ARHGAP24: variants seen among roughly 807,000 people sequenced by gnomAD.
ARHGAP24 encodes rho GTPase-activating protein 24.
A neutral mutation model predicts 76.4 loss-of-function variants in ARHGAP24; 50 were observed. The ratio of observed to expected loss-of-function variants is 0.65; its 90% CI spans 0.52 to 0.83. The LOEUF (loss-of-function observed/expected upper bound fraction) is 0.83. ARHGAP24 is among the 40% of genes least tolerant of loss of function. The pLI is 0.00. For synonymous variants in ARHGAP24, 345 were observed against 323.3 expected, an observed-to-expected ratio of 1.07 and a Z score of -0.72; for missense variants, 930 against 914.2, an observed-to-expected ratio of 1.02 and a Z score of -0.22.
chr4:85,627,755 C>G (rs976971025), intron 2 of ARHGAP24, among the ~76,000 whole-genome samples: 1 of 152,206 alleles, frequency 6.6e-6, no homozygotes, highest in African/African-American at 2.4e-5. Context: ...TTTACCTAAT[C>G]AAACAACTAA....
chr4:85,764,591 A>G (rs1726858301), intron 3 of ARHGAP24, among the ~76,000 whole-genome samples: 1 of 152,096 alleles, frequency 6.6e-6, no homozygotes, highest in South Asian at 2.1e-4. Context: ...TTACAGAAAC[A>G]GGAGGTCCAT....
chr4:85,780,173 T>TTTTTATC (rs1727480222), intron 3 of ARHGAP24, among the ~76,000 whole-genome samples: 1 of 151,962 alleles, frequency 6.6e-6, no homozygotes, highest in Non-Finnish European at 1.5e-5. Flanking sequence ...TATTTTTTAT[T>TTTTTATC]TTTTAGTTTT....
At chr4:85,854,926 G>A (rs1337682362) in intron 3 of ARHGAP24, among the ~76,000 whole-genome samples, 4 of 152,000 alleles carry the variant, frequency 2.6e-5, no homozygotes, top group Non-Finnish European at 4.4e-5. Context: ...CAAGAACAAG[G>A]GACTATTTAC....
intron 3 of ARHGAP24, among the ~76,000 whole-genome samples, chr4:85,769,292 A>T (rs971959783): frequency 6.6e-6 from 1 of 152,190 alleles, no homozygotes; most frequent in African/African-American, 2.4e-5. Context: ...CATTTTGCCA[A>T]GCATCTTGAC....
intron 3 of ARHGAP24, among the ~76,000 whole-genome samples, chr4:85,790,201 C>T (rs919864953): frequency 5.9e-5 from 9 of 152,130 alleles, no homozygotes. Context: ...TTTAAGTCAT[C>T]TAAATGCCTT....
At chr4:85,850,976 A>G (rs574466722) in intron 3 of ARHGAP24, among the ~76,000 whole-genome samples, 1 of 152,298 alleles carries the variant, frequency 6.6e-6, no homozygotes, top group South Asian at 2.1e-4. Flanking sequence ...CCCTTGGTGC[A>G]GAGCTGAGTT....
chr4:85,713,502 A>T (rs974223115), intron 2 of ARHGAP24, among the ~76,000 whole-genome samples: 6 of 152,172 alleles, frequency 3.9e-5, no homozygotes, highest in African/African-American at 1.4e-4. Context: ...GGCATTTTCA[A>T]CGTCCTACAT....
chr4:85,868,893 A>G (rs1732358667), intron 3 of ARHGAP24, among the ~76,000 whole-genome samples: 1 of 152,106 alleles, frequency 6.6e-6, no homozygotes, highest in South Asian at 2.1e-4. Flanking sequence ...ATATGTTGCC[A>G]GGTTACCTTC....
At chr4:85,591,548 C>T (rs1728110075) in intron 2 of ARHGAP24, among the ~76,000 whole-genome samples, 1 of 152,170 alleles carries the variant, frequency 6.6e-6, no homozygotes, top group South Asian at 2.1e-4. Context: ...ACTCTTGTGT[C>T]AGACTTAGTC....
intron 2 of ARHGAP24, among the ~76,000 whole-genome samples, chr4:85,620,508 T>C (rs1720682087): frequency 6.6e-6 from 1 of 151,764 alleles, no homozygotes; most frequent in Non-Finnish European, 1.5e-5. Context: ...TAGTTTCTTT[T>C]ATTTATACCT....
chr4:85,736,981 G>T (rs560720707), intron 3 of ARHGAP24, among the ~76,000 whole-genome samples: 1 of 152,108 alleles, frequency 6.6e-6, no homozygotes, highest in Non-Finnish European at 1.5e-5. Flanking sequence ...CAAATTCAAT[G>T]ATAAGTTTTA....
chr4:85,810,645 G>T (rs1333168513), intron 3 of ARHGAP24, among the ~76,000 whole-genome samples: 1 of 152,026 alleles, frequency 6.6e-6, no homozygotes, highest in African/African-American at 2.4e-5. Context: ...TAGTGGTACT[G>T]CACTCTTCAC....
intron 2 of ARHGAP24, among the ~76,000 whole-genome samples, chr4:85,685,335 A>G (rs1023579020): frequency 2.0e-5 from 3 of 152,130 alleles, no homozygotes; most frequent in Non-Finnish European, 4.4e-5. Flanking sequence ...CCTCAACAGA[A>G]GTCTCCACAA....
rs1446973422 is a variant in ARHGAP24, at chr4:85,790,435, T to C, written c.268+68463T>C. Among the ~76,000 whole-genome samples, 3 of 152,210 alleles carry C rather than the reference T, an allele frequency of 2.0e-5. No individual in the cohort carries two copies. In the East Asian group the frequency reaches 5.8e-4, roughly 29 times the overall value. ...ATCATTTGTCTGTCTTTAGTTTTAT[T>C]GTCTCTAAGATTTTAAGGGAAACTT... is the stretch of plus-strand genomic sequence containing the variant. On this transcript the variant is annotated intron_variant, in intron 3 of 9. Transcript: ENST00000395184.
intron 3 of ARHGAP24, among the ~76,000 whole-genome samples, chr4:85,766,700 T>C (rs3943498): frequency 0.9 from 136,298 of 152,100 alleles, 62,993 homozygotes; most frequent in East Asian, 1. Flanking sequence ...GGAGGAAATA[T>C]AAAATTCCCC....
At chr4:85,758,351 G>A (rs984615242) in intron 3 of ARHGAP24, among the ~76,000 whole-genome samples, 1 of 152,134 alleles carries the variant, frequency 6.6e-6, no homozygotes, top group Admixed American at 6.6e-5. Flanking sequence ...AGGAGAGAAG[G>A]CCTAAAGACC....
chr4:85,517,878 C>T (rs1201192774), intron 1 of ARHGAP24, among the ~76,000 whole-genome samples: 2 of 151,966 alleles, frequency 1.3e-5, no homozygotes, highest in East Asian at 1.9e-4. Context: ...TTCTTTAAAA[C>T]GTAAGAAGAA....
At chr4:85,741,788 GAAA>G (rs899809381) in intron 3 of ARHGAP24, among the ~76,000 whole-genome samples, 9 of 152,136 alleles carry the variant, frequency 5.9e-5, no homozygotes, top group Non-Finnish European at 1.3e-4. Flanking sequence ...TATAGGAGAG[GAAA>G]AAGATTATTG....
At chr4:85,687,415 C>A (rs901762523) in intron 2 of ARHGAP24, among the ~76,000 whole-genome samples, 3 of 152,140 alleles carry the variant, frequency 2.0e-5, no homozygotes, top group African/African-American at 7.2e-5. Context: ...TTTTAATCCA[C>A]AGCCCCTACT....
Sources: gnomAD v4.1 joint callset for allele counts (sites outside exome capture counted in the v4.1 genomes callset) on GRCh38, gnomAD v4.1.1 for gene constraint, MANE v1.5 for transcripts, NCBI Gene and HGNC (gene_info 2026-07-23, HGNC 2026-07-21) for gene names.